The following FOXO1 variants were observed in gnomAD, a reference collection of about 807,000 sequenced individuals.
FOXO1 encodes the protein forkhead box protein O1.
Under a neutral mutation model 44.1 loss-of-function variants are expected in FOXO1, and 6 were observed. The observed-to-expected ratio is 0.14, with a 90% CI of 0.07 to 0.27. FOXO1 has a LOEUF of 0.27. Ranked by LOEUF, FOXO1 falls within the 10% of genes least tolerant of loss-of-function variation. FOXO1 has a pLI of 1.00. For synonymous variants in FOXO1, 380 were observed against 362.7 expected (o/e 1.05, Z -0.54); for missense variants, 737 against 888.8 (o/e 0.83, Z 2.17).
intron 1 of FOXO1, among the ~76,000 whole-genome samples, chr13:40,592,564 C>T (rs1196908810): frequency 6.6e-6 from 1 of 152,236 alleles, no homozygotes; most frequent in East Asian, 1.9e-4. Flanking sequence ...TTCTCCTCTC[C>T]TGCCTCTTGG....
intron 1 of FOXO1, among the ~76,000 whole-genome samples, chr13:40,659,314 C>CAAAAAA (rs1210028542): frequency 1.1e-5 from 1 of 87,574 alleles, no homozygotes; most frequent in African/African-American, 4.3e-5. Context: ...GACTCCGTCT[C>CAAAAAA]AAAAAAAAAA....
intron 1 of FOXO1, among the ~76,000 whole-genome samples, chr13:40,623,597 A>G (rs910772779): frequency 6.6e-6 from 1 of 152,176 alleles, no homozygotes; most frequent in Admixed American, 6.5e-5. Flanking sequence ...GAACCACTGT[A>G]AGTGACAAAA....
At chr13:40,571,033 C>T (rs536300316) in intron 1 of FOXO1, among the ~76,000 whole-genome samples, 94 of 152,270 alleles carry the variant, frequency 6.2e-4, no homozygotes, top group Middle Eastern at 6.8e-3. Context: ...CACTGTCATA[C>T]GCTTGGGTTT....
intron 1 of FOXO1, among the ~76,000 whole-genome samples, chr13:40,642,378 T>G (rs1877381400): frequency 1.3e-5 from 2 of 152,134 alleles, no homozygotes; most frequent in African/African-American, 4.8e-5. Flanking sequence ...CCTCAATCAG[T>G]CTGTCTTCAC....
rs1463020305 is a variant in FOXO1 at position 40,558,075 on chromosome 13, T to C, written c.*974A>G. On this transcript the variant is annotated 3_prime_UTR_variant, in exon 3 of 3. Transcript: ENST00000379561. Reference sequence around the variant, plus strand: ...AATGATTTAAGATTAGTCAGAAACATCACTAAGTAGCATCCCAAAGTGTAC... The same window carrying C: ...AATGATTTAAGATTAGTCAGAAACACCACTAAGTAGCATCCCAAAGTGTAC... 6.6e-6 allele frequency: 1 copy of C among 152,628 alleles called. No individual in the cohort carries two copies. Among genetic ancestry groups the C allele is most frequent in the African/African-American group, 2.4e-5 (1 of 41,456 alleles). The allele number at this position is 152,628 out of a possible 1,614,324, so 9.5% of individuals were successfully genotyped here.
In FOXO1 at chr13:40,651,111, G is replaced by GT. The variant is rs770744609; in HGVS notation, c.630+14471dup. ...TTTTTGTTTTTTGTTTTTTGTTTTTGTTTTTTTTTAAGAAACATGGTCCCA... is the reference window on the plus strand; with the variant it reads ...TTTTTGTTTTTTGTTTTTTGTTTTTGTTTTTTTTTTAAGAAACATGGTCCCA... On this transcript the variant is annotated intron_variant, in intron 1 of 2. Coordinates refer to ENST00000379561, the MANE Select transcript of FOXO1 (RefSeq NM_002015.4). 7.2e-3 allele frequency among the ~76,000 whole-genome samples: 1,071 copies of GT among 148,278 alleles called. 6 individuals carry two copies. The highest frequency in any genetic ancestry group is 0.012 in the Non-Finnish European group (786 of 66,584).
chr13:40,633,483 C>T (rs987520649), intron 1 of FOXO1, among the ~76,000 whole-genome samples: 4 of 152,044 alleles, frequency 2.6e-5, no homozygotes, highest in African/African-American at 7.2e-5. Context: ...GAATAAACCT[C>T]GAAAATGTTA....
At chr13:40,619,625 C>G in intron 1 of FOXO1, 1 of 1,541,386 alleles carries the variant, frequency 6.5e-7, no homozygotes, top group Non-Finnish European at 8.9e-7. Context: ...AGTCCTGTGG[C>G]TAGGCGAACA....
chr13:40,620,067 GA>G, intron 1 of FOXO1: 1 of 920,118 alleles, frequency 1.1e-6, no homozygotes, highest in Non-Finnish European at 1.7e-6. Context: ...CTGTCAGGAG[GA>G]GAGGTATAAC....
intron 1 of FOXO1, among the ~76,000 whole-genome samples, chr13:40,650,608 AAGCAC>A (rs1325877366): frequency 6.6e-6 from 1 of 152,224 alleles, no homozygotes; most frequent in Non-Finnish European, 1.5e-5. Context: ...TCCACTCCTC[AAGCAC>A]AGGGACAGGC....
intron 1 of FOXO1, among the ~76,000 whole-genome samples, chr13:40,609,376 ATT>A (rs1876142383): frequency 6.6e-6 from 1 of 151,958 alleles, no homozygotes; most frequent in Non-Finnish European, 1.5e-5. Flanking sequence ...AAAGGATGTA[ATT>A]TTTTATATCA....
At position 40,559,848 on chromosome 13, in the gene FOXO1, T is replaced by C. The variant is rs1402994718; in HGVS notation, c.1643A>G (p.His548Arg). 1 of 1,613,920 alleles carries C rather than the reference T, an allele frequency of 6.2e-7. No homozygotes were observed. The highest frequency in any genetic ancestry group is 1.7e-5 in the Admixed American group (1 of 60,000). The change falls in exon 2 of 3, where the codon CAC (histidine) becomes CGC (arginine). Residue 548 changes from histidine (H) to arginine (R), a missense_variant. Coordinates refer to ENST00000379561, the MANE Select transcript of FOXO1 (RefSeq NM_002015.4). ...GGTCAGGCGGTTCATACCCGAGGTGTGGGGCATGGTGCTTACCGTGTGGGG... is the reference window on the plus strand; with the variant it reads ...GGTCAGGCGGTTCATACCCGAGGTGCGGGGCATGGTGCTTACCGTGTGGGG... ...PLPHTVSTMP[H>R]TSGMNRLTQV...
intron 1 of FOXO1, among the ~76,000 whole-genome samples, chr13:40,612,083 C>A (rs1876254116): frequency 6.6e-6 from 1 of 152,020 alleles, no homozygotes; most frequent in Admixed American, 6.6e-5. Context: ...AATAAATAAA[C>A]AAACAAATAA....
At chr13:40,620,041 C>T (rs76949687) in intron 1 of FOXO1, 14,480 of 877,332 alleles carry the variant, frequency 0.017, 184 homozygotes, top group Middle Eastern at 0.023. Flanking sequence ...ACCAGTACAG[C>T]AAACCACTAG....
At chr13:40,579,235 A>T (rs753032784) in intron 1 of FOXO1, among the ~76,000 whole-genome samples, 2 of 152,220 alleles carry the variant, frequency 1.3e-5, no homozygotes, top group African/African-American at 4.8e-5. Flanking sequence ...TTCCTACCAA[A>T]TAACACACCT....
At chr13:40,624,483 G>A (rs890580436) in intron 1 of FOXO1, among the ~76,000 whole-genome samples, 3 of 152,040 alleles carry the variant, frequency 2.0e-5, no homozygotes, top group East Asian at 1.9e-4. Flanking sequence ...CTTATAACAT[G>A]TGTTGTAAGT....
intron 1 of FOXO1, among the ~76,000 whole-genome samples, chr13:40,575,082 A>G (rs1385861183): frequency 6.6e-6 from 1 of 152,150 alleles, no homozygotes; most frequent in African/African-American, 2.4e-5. Flanking sequence ...CGGTAATCCC[A>G]GCACTTTCGG....
chr13:40,619,365 T>A, intron 1 of FOXO1: 1 of 628,956 alleles, frequency 1.6e-6, no homozygotes, highest in Non-Finnish European at 2.8e-6. Flanking sequence ...AAAGTTCAAA[T>A]GAATATTCTC....
At position 40,557,807 on chromosome 13, in the gene FOXO1, A is replaced by G. The variant is rs918228789; in HGVS notation, c.*1242T>C. The G allele has an allele frequency of 2.0e-5, 3 of 152,236 alleles. No individual in the cohort carries two copies. The highest frequency in any genetic ancestry group is 6.5e-5 in the Admixed American group (1 of 15,280). 9.4% of individuals were successfully genotyped at this position (152,236 alleles called of 1,614,324 possible). A position where few individuals can be genotyped will look rare whatever the true frequency, so the allele number is the denominator to read the frequency against. ...GTTTGACAAAGGACCATTGCTTTAG[A>G]TGCAGATCTCCCTTTTCTGATCTAC... On this transcript the variant is annotated 3_prime_UTR_variant, in exon 3 of 3. Coordinates refer to ENST00000379561, the MANE Select transcript of FOXO1 (RefSeq NM_002015.4).
Sources: allele counts gnomAD v4.1 joint callset (sites outside exome capture counted in the v4.1 genomes callset), GRCh38; gene constraint gnomAD v4.1.1; transcripts MANE v1.5; gene names NCBI Gene and HGNC (gene_info 2026-07-23, HGNC 2026-07-21).